ADGRB3: variants seen among roughly 807,000 people sequenced by gnomAD.
The protein encoded by ADGRB3 is adhesion G protein-coupled receptor B3.
In ADGRB3, 37 loss-of-function variants were observed where a neutral mutation model predicts 193.4. That is an observed-to-expected ratio of 0.19 (90% confidence interval 0.15 to 0.25). The LOEUF is 0.25. Ranked by LOEUF, ADGRB3 falls within the 10% of genes least tolerant of loss-of-function variation. ADGRB3 has a pLI of 1.00. For synonymous variants in ADGRB3, 690 were observed against 644.2 expected (o/e 1.07, Z -1.08); for missense variants, 1,637 against 1,852.9 (o/e 0.88, Z 2.14).
chr6:69,189,114 T>C (rs569401949), intron 17 of ADGRB3, among the ~76,000 whole-genome samples: 5 of 152,330 alleles, frequency 3.3e-5, no homozygotes, highest in East Asian at 3.9e-4. Flanking sequence ...ATGTGTACTT[T>C]CCAAACACTT....
At chr6:68,694,233 A>G (rs1041952712) in intron 3 of ADGRB3, among the ~76,000 whole-genome samples, 17 of 152,056 alleles carry the variant, frequency 1.1e-4, no homozygotes, top group African/African-American at 4.1e-4. Context: ...TATAGGAGGC[A>G]TGATGCCAGG....
intron 3 of ADGRB3, among the ~76,000 whole-genome samples, chr6:68,747,685 A>C (rs1436154805): frequency 6.6e-6 from 1 of 152,222 alleles, no homozygotes; most frequent in Non-Finnish European, 1.5e-5. Context: ...AAATGGAAGA[A>C]TCTTTGAATA....
chr6:68,785,994 T>A lies in ADGRB3; in HGVS notation c.758-144565T>A, dbSNP rs570828275. 7.6e-3 allele frequency among the ~76,000 whole-genome samples: 1,158 copies of A among 152,226 alleles called. 18 individuals carry two copies. The highest frequency in any genetic ancestry group is 0.027 in the African/African-American group (1,111 of 41,512). ...CTGTTCATATCCTTTGCCCACTTTTTGATGGGGTTGTTTTTTTCTTGTAAA... is the reference window on the plus strand; with the variant it reads ...CTGTTCATATCCTTTGCCCACTTTTAGATGGGGTTGTTTTTTTCTTGTAAA... On this transcript the variant is annotated intron_variant, in intron 3 of 31. Coordinates refer to ENST00000370598, the MANE Select transcript of ADGRB3 (RefSeq NM_001704.3).
chr6:69,008,454 T>G (rs1299015349), intron 11 of ADGRB3, among the ~76,000 whole-genome samples: 2 of 152,204 alleles, frequency 1.3e-5, no homozygotes, highest in African/African-American at 4.8e-5. Context: ...TATTTTGGAC[T>G]ATTGATAATG....
chr6:68,839,040 T>C (rs1207564344), intron 3 of ADGRB3, among the ~76,000 whole-genome samples: 1 of 151,078 alleles, frequency 6.6e-6, no homozygotes, highest in Non-Finnish European at 1.5e-5. Context: ...TCTCTATCTC[T>C]CTTTCTCTCT....
chr6:69,152,600 A>G (rs550226123), intron 17 of ADGRB3, among the ~76,000 whole-genome samples: 1 of 152,328 alleles, frequency 6.6e-6, no homozygotes, highest in Admixed American at 6.5e-5. Context: ...TCATAAGGGT[A>G]GTTGTGTTGG....
At chr6:68,910,250 G>T (rs963026008) in intron 3 of ADGRB3, among the ~76,000 whole-genome samples, 1 of 152,150 alleles carries the variant, frequency 6.6e-6, no homozygotes, top group African/African-American at 2.4e-5. Flanking sequence ...TGTCGATGGG[G>T]TTGTTTGTTT....
At chr6:69,259,219 C>T (rs931336281) in intron 20 of ADGRB3, among the ~76,000 whole-genome samples, 1 of 152,010 alleles carries the variant, frequency 6.6e-6, no homozygotes, top group African/African-American at 2.4e-5. Context: ...GTTCTCAGCT[C>T]CAAGGAGATG....
intron 8 of ADGRB3, among the ~76,000 whole-genome samples, chr6:68,967,226 T>A (rs1324305167): frequency 6.6e-6 from 1 of 152,256 alleles, no homozygotes; most frequent in Non-Finnish European, 1.5e-5. Flanking sequence ...AAAAAGTTGT[T>A]GACATCTCTA....
intron 20 of ADGRB3, among the ~76,000 whole-genome samples, chr6:69,298,541 A>T (rs1245613491): frequency 2.0e-5 from 3 of 152,018 alleles, no homozygotes; most frequent in Admixed American, 2.0e-4. Flanking sequence ...CCCTCTCCGT[A>T]TTAGCCTGCC....
At chr6:68,982,952 CT>C (rs1404870782) in intron 10 of ADGRB3, among the ~76,000 whole-genome samples, 4 of 152,146 alleles carry the variant, frequency 2.6e-5, no homozygotes, top group African/African-American at 9.7e-5. Context: ...AAGATCTCTA[CT>C]TTCTGGAAAT....
chr6:68,952,793 A>G (rs1767969834), intron 6 of ADGRB3, among the ~76,000 whole-genome samples: 1 of 152,180 alleles, frequency 6.6e-6, no homozygotes, highest in South Asian at 2.1e-4. Context: ...GACTTTGTGA[A>G]CAAAACTGAC....
At chr6:69,182,095 A>G (rs1276477196) in intron 17 of ADGRB3, among the ~76,000 whole-genome samples, 2 of 152,166 alleles carry the variant, frequency 1.3e-5, no homozygotes, top group East Asian at 3.9e-4. Flanking sequence ...TTTGGCAACA[A>G]AGACTGAAAA....
rs150490860 is a variant in ADGRB3 at position 69,030,162 on chromosome 6, C to T, written c.2107+11663C>T. Reference sequence around the variant, plus strand: ...GAAATAGGAACACTTTTACACTGTTCGTGGGAGTGTAAATTAGTTCAACCA... The same window carrying T: ...GAAATAGGAACACTTTTACACTGTTTGTGGGAGTGTAAATTAGTTCAACCA... On this transcript the variant is annotated intron_variant, in intron 13 of 31. Coordinates refer to ENST00000370598, the MANE Select transcript of ADGRB3 (RefSeq NM_001704.3). Among the ~76,000 whole-genome samples the T allele has an allele frequency of 4.4e-3, 673 of 152,004 alleles. 7 individuals are homozygous for T. The highest frequency in any genetic ancestry group is 0.015 in the African/African-American group (641 of 41,482).
chr6:68,930,065 GAA>G (rs138263407), intron 3 of ADGRB3, among the ~76,000 whole-genome samples: 26 of 123,774 alleles, frequency 2.1e-4, no homozygotes, highest in Non-Finnish European at 3.1e-4. Flanking sequence ...ATCTTTGGAT[GAA>G]AAAAAAAAAA....
intron 13 of ADGRB3, 112 bp downstream of exon 13, chr6:69,018,611 T>A (rs1582397644): frequency 1.5e-6 from 1 of 648,542 alleles, no homozygotes; most frequent in Non-Finnish European, 2.6e-6. Context: ...TAACTGCATG[T>A]GAGCAAATAT....
chr6:69,187,960 A>G (rs1765104178), intron 17 of ADGRB3, among the ~76,000 whole-genome samples: 1 of 152,184 alleles, frequency 6.6e-6, no homozygotes, highest in East Asian at 1.9e-4. Flanking sequence ...AAAGTAAATC[A>G]TTCTGTGACT....
At chr6:68,888,027 A>G (rs564971544) in intron 3 of ADGRB3, among the ~76,000 whole-genome samples, 1 of 152,206 alleles carries the variant, frequency 6.6e-6, no homozygotes, top group Admixed American at 6.5e-5. Flanking sequence ...ATGCTTTTTC[A>G]TTTTAGTACA....
At chr6:68,664,349 T>C (rs1049485916) in intron 3 of ADGRB3, among the ~76,000 whole-genome samples, 1 of 151,822 alleles carries the variant, frequency 6.6e-6, no homozygotes. Flanking sequence ...ATCCTAATGC[T>C]AATGTGATGA....
Sources: gnomAD v4.1 joint callset for allele counts (sites outside exome capture counted in the v4.1 genomes callset) on GRCh38, gnomAD v4.1.1 for gene constraint, MANE v1.5 for transcripts, NCBI Gene and HGNC (gene_info 2026-07-23, HGNC 2026-07-21) for gene names.